The following PARG variants were observed in gnomAD, a reference collection of about 807,000 sequenced individuals.
The protein encoded by PARG is poly(ADP-ribose) glycohydrolase, also known as mitochondrial poly(ADP-ribose) glycohydrolase.
In PARG, 35 loss-of-function variants were observed where a neutral mutation model predicts 113.0. The observed-to-expected ratio is 0.31, with a 90% CI of 0.24 to 0.41. PARG has a LOEUF of 0.41. Among genes scored for constraint, PARG ranks in the 10% least tolerant of loss-of-function variants. PARG has a pLI of 1.00. For missense variants in PARG, 797 were observed against 1,169.4 expected, an observed-to-expected ratio of 0.68 and a Z score of 4.64; for synonymous variants, 330 against 409.9, an observed-to-expected ratio of 0.81 and a Z score of 2.36.
chr10:49,873,544 T>C (rs1564625057), intron 9 of PARG, among the ~76,000 whole-genome samples: 1 of 149,882 alleles, frequency 6.7e-6, no homozygotes, highest in African/African-American at 2.5e-5. Context: ...ACAATTCATT[T>C]ATTCTCCCTG....
chr10:49,903,381 C>T (rs1400943502), intron 7 of PARG, among the ~76,000 whole-genome samples: 21 of 152,130 alleles, frequency 1.4e-4, no homozygotes, highest in Non-Finnish European at 1.5e-5. Context: ...TATCACCTTA[C>T]ACAAAATAAT....
chr10:49,843,695 T>C, intron 13 of PARG, 63 bp from the exon 14 acceptor site: 1 of 1,083,272 alleles, frequency 9.2e-7, no homozygotes. Context: ...CCACCTTTCA[T>C]AACATGGCAA....
chr10:49,899,606 T>C (rs1181594407), intron 7 of PARG, among the ~76,000 whole-genome samples: 22 of 152,216 alleles, frequency 1.4e-4, no homozygotes, highest in African/African-American at 5.1e-4. Context: ...AGAAGGCATA[T>C]TTCACCAATT....
chr10:49,839,743 T>C (rs1845132074), intron 15 of PARG, among the ~76,000 whole-genome samples: 1 of 152,238 alleles, frequency 6.6e-6, no homozygotes, highest in Non-Finnish European at 1.5e-5. Flanking sequence ...GTGAATGATC[T>C]AGTTCTCATA....
At chr10:49,927,420 A>T (rs1838261403) in intron 4 of PARG, among the ~76,000 whole-genome samples, 1 of 145,440 alleles carries the variant, frequency 6.9e-6, no homozygotes, top group Non-Finnish European at 1.5e-5. Flanking sequence ...GAAAGAAAGA[A>T]AAATAAACCT....
intron 6 of PARG, among the ~76,000 whole-genome samples, chr10:49,916,202 A>C (rs1318536078): frequency 2.4e-4 from 37 of 152,272 alleles, no homozygotes; most frequent in African/African-American, 8.2e-4. Flanking sequence ...GAGATTAGAA[A>C]GGTCAAGTAA....
At chr10:49,921,057 AAAG>A (rs1468819414) in intron 6 of PARG, among the ~76,000 whole-genome samples, 1 of 151,978 alleles carries the variant, frequency 6.6e-6, no homozygotes, top group Admixed American at 6.6e-5. Context: ...TGGGGTGGAG[AAAG>A]AAGGACGGAA....
chr10:49,886,156 C>T (rs1847466834), intron 7 of PARG, among the ~76,000 whole-genome samples: 1 of 152,162 alleles, frequency 6.6e-6, no homozygotes, highest in South Asian at 2.1e-4. Flanking sequence ...AAGGAGGTTA[C>T]CTGATCATCC....
intron 7 of PARG, among the ~76,000 whole-genome samples, chr10:49,890,721 T>C (rs1847732911): frequency 6.6e-6 from 1 of 152,222 alleles, no homozygotes; most frequent in Non-Finnish European, 1.5e-5. Flanking sequence ...ATCAAAACAT[T>C]ATAAATATTT....
chr10:49,921,510 A>G (rs1270128825), intron 6 of PARG, among the ~76,000 whole-genome samples: 1 of 152,088 alleles, frequency 6.6e-6, no homozygotes, highest in East Asian at 1.9e-4. Context: ...ATGATATAAC[A>G]TATCAATGTT....
At chr10:49,891,494 G>A (rs1336514789) in intron 7 of PARG, among the ~76,000 whole-genome samples, 12 of 146,132 alleles carry the variant, frequency 8.2e-5, no homozygotes, top group African/African-American at 3.0e-4. Context: ...TATATGAAAC[G>A]TCTAGGATGT....
intron 7 of PARG, among the ~76,000 whole-genome samples, chr10:49,895,321 A>C (rs1848024829): frequency 6.6e-6 from 1 of 152,040 alleles, no homozygotes; most frequent in Non-Finnish European, 1.5e-5. Context: ...TTGTGTTTCC[A>C]TATAAATTTT....
intron 7 of PARG, among the ~76,000 whole-genome samples, chr10:49,887,219 T>C (rs1487316848): frequency 6.6e-6 from 1 of 152,172 alleles, no homozygotes; most frequent in African/African-American, 2.4e-5. Flanking sequence ...TTTAAAACTA[T>C]GTATTCTGAA....
At chr10:49,844,656 A>C (rs1002721374) in intron 13 of PARG, among the ~76,000 whole-genome samples, 1 of 151,732 alleles carries the variant, frequency 6.6e-6, no homozygotes. Context: ...AAAAAAAAAG[A>C]AAACTTAAAT....
At chr10:49,825,156 C>T (rs1554829227) in intron 16 of PARG, among the ~76,000 whole-genome samples, 5 of 152,190 alleles carry the variant, frequency 3.3e-5, no homozygotes. Context: ...TTCTACCACA[C>T]AGCACTCTTC....
At chr10:49,837,115 C>T (rs1349477864) in intron 15 of PARG, among the ~76,000 whole-genome samples, 6 of 151,570 alleles carry the variant, frequency 4.0e-5, no homozygotes, top group Non-Finnish European at 7.4e-5. Context: ...GGAGACTGGT[C>T]CCCCCCTTTA....
chr10:49,856,479 C>A (rs1482642798), intron 13 of PARG, among the ~76,000 whole-genome samples: 1 of 152,148 alleles, frequency 6.6e-6, no homozygotes, highest in East Asian at 1.9e-4. Context: ...CGCGCCTGGC[C>A]ATGATAACTG....
At chr10:49,844,105 A>G (rs958543971) in intron 13 of PARG, among the ~76,000 whole-genome samples, 3 of 151,996 alleles carry the variant, frequency 2.0e-5, no homozygotes, top group Admixed American at 6.6e-5. Flanking sequence ...AGAGTGTGCC[A>G]CTGCACTCCA....
chr10:49,836,214 ATGAAATCAATC>A (rs1554831076), intron 15 of PARG, among the ~76,000 whole-genome samples: 1 of 150,756 alleles, frequency 6.6e-6, no homozygotes, highest in African/African-American at 2.4e-5. Context: ...ACTCATTTAT[ATGAAATCAATC>A]TACTATACTT....
Sources: allele counts gnomAD v4.1 joint callset (sites outside exome capture counted in the v4.1 genomes callset), GRCh38; gene constraint gnomAD v4.1.1; transcripts MANE v1.5; gene names NCBI Gene and HGNC (gene_info 2026-07-23, HGNC 2026-07-21).